The following TRPM3 variants were observed in gnomAD, a reference collection of about 807,000 sequenced individuals.
TRPM3 encodes the protein transient receptor potential cation channel subfamily M member 3.
In TRPM3, 77 loss-of-function variants were observed where a neutral mutation model predicts 181.2. The observed-to-expected ratio is 0.42, with a 90% confidence interval of 0.35 to 0.51. The LOEUF (loss-of-function observed/expected upper bound fraction) is 0.51, where lower values mean the gene tolerates loss of function less well. TRPM3 is among the 20% of genes least tolerant of loss of function. TRPM3 has a pLI of 0.01. For synonymous variants in TRPM3, 745 were observed against 796.4 expected, an observed-to-expected ratio of 0.94 and a Z score of 1.09; for missense variants, 1,759 against 2,196.7, an observed-to-expected ratio of 0.80 and a Z score of 3.98.
At chr9:70,868,291 T>A (rs2095698748) in intron 1 of TRPM3, among the ~76,000 whole-genome samples, 1 of 152,114 alleles carries the variant, frequency 6.6e-6, no homozygotes, top group Non-Finnish European at 1.5e-5. Flanking sequence ...AGGCTAATAA[T>A]TAAAAGACAT....
At chr9:70,774,363 T>C (rs2080933165) in intron 7 of TRPM3, 1 of 152,366 alleles carries the variant, frequency 6.6e-6, no homozygotes, top group Admixed American at 6.5e-5. Context: ...GTTTTCTCAA[T>C]ATTTTCTTTT....
rs142359352 is a variant in TRPM3, at chr9:70,784,028, T to C, written c.1148+77A>G. ...TGATTTGAGGTCTTGGTTGAGCTAC[T>C]GAAAACATAATCCACTCATACCCTC... On this transcript the variant is annotated intron_variant, in intron 7 of 25. Coordinates refer to ENST00000677713, the MANE Select transcript of TRPM3 (RefSeq NM_001366145.2). The C allele has an allele frequency of 6.1e-4, 932 of 1,523,498 alleles. 5 individuals carry two copies. In the African/African-American group the frequency reaches 0.012, roughly 19 times the overall value. 94.4% of individuals were successfully genotyped at this position (1,523,498 alleles called of 1,614,324 possible).
At chr9:71,012,330 AT>A (rs765163666) in intron 1 of TRPM3, among the ~76,000 whole-genome samples, 1 of 150,542 alleles carries the variant, frequency 6.6e-6, no homozygotes, top group Non-Finnish European at 1.5e-5. Flanking sequence ...TTATTTTTTG[AT>A]TTTTTTATTT....
At chr9:70,925,671 C>A (rs1354997061) in intron 1 of TRPM3, among the ~76,000 whole-genome samples, 1 of 151,966 alleles carries the variant, frequency 6.6e-6, no homozygotes, top group Non-Finnish European at 1.5e-5. Flanking sequence ...TATAGGCAAT[C>A]TTTATATATA....
intron 1 of TRPM3, among the ~76,000 whole-genome samples, chr9:71,401,586 C>T (rs944561590): frequency 1.3e-5 from 2 of 152,164 alleles, no homozygotes; most frequent in Admixed American, 1.3e-4. Flanking sequence ...AGGTAGATGT[C>T]AAGAATTCAT....
At chr9:70,851,255 T>G (rs999879165) in intron 3 of TRPM3, among the ~76,000 whole-genome samples, 2 of 152,142 alleles carry the variant, frequency 1.3e-5, no homozygotes, top group Admixed American at 6.5e-5. Context: ...ATACATGCTG[T>G]GAGATCCAGA....
intron 1 of TRPM3, among the ~76,000 whole-genome samples, chr9:70,989,130 G>T (rs965206340): frequency 1.3e-5 from 2 of 152,026 alleles, no homozygotes; most frequent in Non-Finnish European, 2.9e-5. Context: ...GTTATGTGGT[G>T]ATAGGACACA....
chr9:70,680,405 T>C (rs184642258), intron 9 of TRPM3, among the ~76,000 whole-genome samples: 2 of 152,236 alleles, frequency 1.3e-5, no homozygotes, highest in Admixed American at 1.3e-4. Context: ...CACTGGAAAA[T>C]GAATGAAATA....
intron 5 of TRPM3, among the ~76,000 whole-genome samples, chr9:70,840,629 A>C (rs1053352790): frequency 1.3e-5 from 2 of 152,142 alleles, no homozygotes; most frequent in Admixed American, 6.6e-5. Flanking sequence ...GAAGAAAAAA[A>C]ATGAGGAGTG....
chr9:70,584,071 G>T (rs886239893), intron 22 of TRPM3, among the ~76,000 whole-genome samples: 2 of 151,924 alleles, frequency 1.3e-5, no homozygotes, highest in East Asian at 1.9e-4. Context: ...ACAGGGTCTT[G>T]CTCTGTTGCC....
chr9:70,692,535 G>A (rs2068903428), intron 8 of TRPM3, among the ~76,000 whole-genome samples: 1 of 152,164 alleles, frequency 6.6e-6, no homozygotes, highest in Non-Finnish European at 1.5e-5. Context: ...GAAAGTCCTA[G>A]GGAGAGGTGA....
intron 1 of TRPM3, among the ~76,000 whole-genome samples, chr9:71,296,418 A>G (rs948107639): frequency 3.3e-5 from 5 of 152,156 alleles, no homozygotes; most frequent in African/African-American, 1.2e-4. Context: ...AGAATGTAAC[A>G]TTTGACCTAG....
chr9:71,259,879 C>T (rs1434251714), intron 1 of TRPM3, among the ~76,000 whole-genome samples: 1 of 151,950 alleles, frequency 6.6e-6, no homozygotes, highest in African/African-American at 2.4e-5. Context: ...TGCAGAAGCT[C>T]TTTTATTAGA....
At chr9:70,991,472 C>T (rs1007784954) in intron 1 of TRPM3, among the ~76,000 whole-genome samples, 1 of 151,302 alleles carries the variant, frequency 6.6e-6, no homozygotes, top group Non-Finnish European at 1.5e-5. Flanking sequence ...TAATAAGAAG[C>T]ACATATTTGC....
At chr9:71,390,558 T>C (rs781204952) in intron 1 of TRPM3, among the ~76,000 whole-genome samples, 3 of 152,004 alleles carry the variant, frequency 2.0e-5, no homozygotes, top group African/African-American at 4.8e-5. Context: ...TTTAGGTAGT[T>C]TATAGCTGGA....
In TRPM3 at chr9:70,539,176, C is replaced by T. The variant is rs186367205; in HGVS notation, c.3708-1771G>A. Among the ~76,000 whole-genome samples the T allele has an allele frequency of 1.3e-5, 2 of 152,324 alleles. 1 individual carries two copies. Among genetic ancestry groups the T allele is most frequent in the Admixed American group, 1.3e-4 (2 of 15,306 alleles). On this transcript the variant is annotated intron_variant, in intron 25 of 25. Coordinates refer to ENST00000677713, the MANE Select transcript of TRPM3 (RefSeq NM_001366145.2). ...ATGTGGGAATTAGGCTGGGCCCCTGCAGTCTGTGGGGGTGGTGGTGAGGTT... is the reference window on the plus strand; with the variant it reads ...ATGTGGGAATTAGGCTGGGCCCCTGTAGTCTGTGGGGGTGGTGGTGAGGTT...
chr9:71,317,588 C>A (rs1482759929), intron 1 of TRPM3, among the ~76,000 whole-genome samples: 3 of 151,456 alleles, frequency 2.0e-5, no homozygotes, highest in Non-Finnish European at 4.4e-5. Flanking sequence ...TTGCAGTAAG[C>A]CGAGATTGGG....
chr9:70,977,389 C>T (rs556507666), intron 1 of TRPM3, among the ~76,000 whole-genome samples: 2 of 152,350 alleles, frequency 1.3e-5, no homozygotes, highest in South Asian at 4.1e-4. Flanking sequence ...CGGCATTGGC[C>T]TCCCAAAGTG....
intron 9 of TRPM3, among the ~76,000 whole-genome samples, chr9:70,653,694 A>AC: frequency 6.6e-6 from 1 of 151,026 alleles, no homozygotes; most frequent in South Asian, 2.2e-4. Context: ...AAAAAAAAAA[A>AC]AAAAAACAAA....
Sources: gnomAD v4.1 joint callset for allele counts (sites outside exome capture counted in the v4.1 genomes callset) on GRCh38, gnomAD v4.1.1 for gene constraint, MANE v1.5 for transcripts, NCBI Gene and HGNC (gene_info 2026-07-23, HGNC 2026-07-21) for gene names.